Variants in LRRC63 observed in about 807,000 individuals in gnomAD.
LRRC63 encodes leucine rich repeat containing 63.
A neutral mutation model predicts 49.5 loss-of-function variants in LRRC63; 40 were observed. The observed-to-expected ratio is 0.81, with a 90% CI of 0.63 to 1.05. The LOEUF is 1.05. Among genes scored for constraint, LRRC63 ranks in the 50% least tolerant of loss-of-function variants. The pLI, the probability that LRRC63 is intolerant of heterozygous loss-of-function variation, is 0.00. For missense variants in LRRC63, 636 were observed against 663.1 expected (o/e 0.96, Z 0.45); for synonymous variants, 191 against 221.1 (o/e 0.86, Z 1.21).
exon 7 of LRRC63, chr13:46,250,475 A>G (rs758535098): frequency 4.6e-6 from 7 of 1,534,744 alleles, no homozygotes; most frequent in Non-Finnish European, 6.2e-6. Flanking sequence ...TAATTTAATT[A>G]CTGTTCTTCC....
In LRRC63 at chr13:46,235,916, A is replaced by G. The variant is rs189437874; in HGVS notation, c.990+1567A>G. On this transcript the variant is annotated intron_variant, in intron 5 of 9. Coordinates refer to ENST00000595396, the Ensembl canonical transcript of LRRC63. ...ATAATGTGTGAACAAAGATTTCAAT[A>G]AGGAGAATAATGTGTGAACAGAGAT... 8.5e-5 allele frequency among the ~76,000 whole-genome samples: 13 copies of G among 152,268 alleles called. No homozygotes were observed. In the East Asian group the frequency reaches 2.3e-3, roughly 27 times the overall value.
At chr13:46,221,560 T>A (rs1308530600) in intron 2 of LRRC63, among the ~76,000 whole-genome samples, 1 of 152,212 alleles carries the variant, frequency 6.6e-6, no homozygotes, top group African/African-American at 2.4e-5. Context: ...GCAGTGATAA[T>A]CAGGGGAAAA....
chr13:46,212,059 T>C (rs2046108022), exon 1 of LRRC63: 1 of 152,366 alleles, frequency 6.6e-6, no homozygotes, highest in Non-Finnish European at 1.5e-5. Flanking sequence ...TTTACCTCGC[T>C]GCCTAGATTC....
At chr13:46,268,912 A>T (rs1372943998) in intron 9 of LRRC63, among the ~76,000 whole-genome samples, 1 of 152,154 alleles carries the variant, frequency 6.6e-6, no homozygotes, top group African/African-American at 2.4e-5. Context: ...TTTAAAAGAT[A>T]CTTTTTATGA....
intron 7 of LRRC63, among the ~76,000 whole-genome samples, chr13:46,253,603 A>G (rs1476588075): frequency 2.0e-5 from 3 of 152,244 alleles, no homozygotes; most frequent in African/African-American, 7.2e-5. Context: ...AGTGGGAATA[A>G]CATGGGAGGT....
At position 46,228,081 on chromosome 13, in the gene LRRC63, C is replaced by T. The variant is rs1459415938; in HGVS notation, c.655C>T (p.His219Tyr). 5 of 1,550,776 alleles carry T rather than the reference C, an allele frequency of 3.2e-6. No individual in the cohort carries two copies. The African/African-American group carries it at 4.1e-5, about 13-fold the overall frequency. Residue 219 changes from histidine to tyrosine, a missense_variant, in exon 3 of 10, where the codon CAT (histidine) becomes TAT (tyrosine). His to Tyr is a moderately conservative substitution (Grantham distance 83, BLOSUM62 2). Transcript: ENST00000595396. ...GAAACCAGAAGGACAGTGGCCTGAACATTTTAAATCAACTGCTACATTGAC... is the reference window on the plus strand; with the variant it reads ...GAAACCAGAAGGACAGTGGCCTGAATATTTTAAATCAACTGCTACATTGAC...
At chr13:46,226,184 A>G (rs1012028741) in intron 2 of LRRC63, among the ~76,000 whole-genome samples, 4 of 151,580 alleles carry the variant, frequency 2.6e-5, no homozygotes, top group Non-Finnish European at 4.4e-5. Context: ...GAGTATTGCT[A>G]TGTTGCCCAG....
chr13:46,222,754 A>G (rs1236692674), intron 2 of LRRC63, among the ~76,000 whole-genome samples: 8 of 151,660 alleles, frequency 5.3e-5, no homozygotes, highest in Non-Finnish European at 1.2e-4. Flanking sequence ...ATAAAGACAC[A>G]TGCACACGTA....
chr13:46,264,036 G>A (rs566099706), intron 8 of LRRC63, among the ~76,000 whole-genome samples: 2 of 152,296 alleles, frequency 1.3e-5, no homozygotes, highest in African/African-American at 4.8e-5. Context: ...TTCATTCAGC[G>A]TGTTTCACAG....
intron 7 of LRRC63, among the ~76,000 whole-genome samples, chr13:46,259,121 C>CAGGG (rs1399565066): frequency 2.0e-5 from 3 of 152,120 alleles, no homozygotes. Context: ...GGAGAAAGAA[C>CAGGG]AGGGGCCTCC....
chr13:46,227,482 T>C, intron 2 of LRRC63, 30 bp from the exon 3 acceptor site: 2 of 1,335,630 alleles, frequency 1.5e-6, no homozygotes, highest in Admixed American at 6.0e-5. Flanking sequence ...ATAAATATAA[T>C]TTAATTTTTC....
chr13:46,260,044 G>C (rs1433064845), intron 7 of LRRC63, among the ~76,000 whole-genome samples: 3 of 152,096 alleles, frequency 2.0e-5, no homozygotes, highest in African/African-American at 7.2e-5. Context: ...GACCAAACAG[G>C]CTGTCTGAAC....
At chr13:46,275,014 A>G (rs1828256249) in intron 9 of LRRC63, among the ~76,000 whole-genome samples, 1 of 152,056 alleles carries the variant, frequency 6.6e-6, no homozygotes, top group Non-Finnish European at 1.5e-5. Flanking sequence ...CCCAGCCTCT[A>G]ATAACCACAA....
chr13:46,267,622 A>G (rs1370381273), intron 9 of LRRC63, among the ~76,000 whole-genome samples: 1 of 152,216 alleles, frequency 6.6e-6, no homozygotes, highest in African/African-American at 2.4e-5. Flanking sequence ...ACTCAATAAA[A>G]GGCAGAAAAC....
rs1014854254 is a variant in LRRC63, at chr13:46,250,237, C to G, written c.1090-118C>G. On this transcript the variant is annotated intron_variant, in intron 6 of 9. Transcript: ENST00000595396. ...GTGTTTACTGAGTTACATGATATAG[C>G]CAATTAATGTTGCTATAATGATTCT... 15 of 876,784 alleles carry G rather than the reference C, an allele frequency of 1.7e-5. No homozygotes were observed. In the Admixed American group the frequency reaches 2.7e-4, roughly 16 times the overall value. 54.3% of individuals were successfully genotyped at this position (876,784 alleles called of 1,614,324 possible). A position where few individuals can be genotyped will look rare whatever the true frequency, so the allele number is the denominator to read the frequency against.
At position 46,259,340 on chromosome 13, in the gene LRRC63, T is replaced by C. The variant is rs563859856; in HGVS notation, c.1227-2569T>C. ...GGAGGTGGGGTGAAGGACAGAGACA[T>C]GTTTTAGACTCATGCCCTGAGGTTA... On this transcript the variant is annotated intron_variant, in intron 7 of 9. Transcript: ENST00000595396. 2.0e-5 allele frequency among the ~76,000 whole-genome samples: 3 copies of C among 151,880 alleles called. No homozygotes were observed. In the South Asian group the frequency reaches 6.2e-4, roughly 32 times the overall value.
intron 2 of LRRC63, among the ~76,000 whole-genome samples, chr13:46,215,314 G>A (rs149197270): frequency 0.015 from 2,328 of 152,238 alleles, 26 homozygotes; most frequent in South Asian, 0.038. Context: ...TCTGACTGGC[G>A]TGAGATGGTA....
intron 9 of LRRC63, chr13:46,270,684 A>T: frequency 1.4e-6 from 1 of 703,398 alleles, no homozygotes; most frequent in South Asian, 1.5e-5. Context: ...CCATCAGTGC[A>T]CGAAAGGAGA....
intron 3 of LRRC63, 106 bp from the exon 4 acceptor site, chr13:46,228,559 T>G: frequency 1.4e-6 from 1 of 702,816 alleles, no homozygotes; most frequent in Non-Finnish European, 2.5e-6. Flanking sequence ...TTTTCATGGA[T>G]AATTGGAATC....
Sources: gnomAD v4.1 joint callset for allele counts (sites outside exome capture counted in the v4.1 genomes callset) on GRCh38, gnomAD v4.1.1 for gene constraint, MANE v1.5 for transcripts, NCBI Gene and HGNC (gene_info 2026-07-23, HGNC 2026-07-21) for gene names.